ARFGEF3: variants seen among roughly 807,000 people sequenced by gnomAD.
The protein encoded by ARFGEF3 is brefeldin A-inhibited guanine nucleotide-exchange protein 3.
In ARFGEF3, 96 loss-of-function variants were observed where a neutral mutation model predicts 221.7. The ratio of observed to expected loss-of-function variants is 0.43; its 90% CI spans 0.37 to 0.51. ARFGEF3 has a LOEUF of 0.51. ARFGEF3 is among the 20% of genes least tolerant of loss of function. The pLI is 0.00. For synonymous variants in ARFGEF3, 1,145 were observed against 1,126.8 expected, an observed-to-expected ratio of 1.02 and a Z score of -0.32; for missense variants, 2,410 against 2,789.9, an observed-to-expected ratio of 0.86 and a Z score of 3.07.
intron 4 of ARFGEF3, among the ~76,000 whole-genome samples, chr6:138,214,152 C>T (rs1284451702): frequency 1.3e-5 from 2 of 152,148 alleles, no homozygotes; most frequent in Non-Finnish European, 2.9e-5. Context: ...GGTAAAGCCT[C>T]TTAAATAAGT....
intron 17 of ARFGEF3, among the ~76,000 whole-genome samples, chr6:138,288,549 C>T (rs372645519): frequency 2.0e-5 from 3 of 151,898 alleles, no homozygotes; most frequent in African/African-American, 4.8e-5. Flanking sequence ...ATTAGCTGGG[C>T]GTGGTGGTGG....
chr6:138,226,533 T>G (rs1778087446), intron 4 of ARFGEF3, among the ~76,000 whole-genome samples: 1 of 152,318 alleles, frequency 6.6e-6, no homozygotes, highest in East Asian at 1.9e-4. Context: ...TGCAAGCTGG[T>G]GTAGATTGCA....
In ARFGEF3 at chr6:138,322,857, G is replaced by T. The variant is rs115659064; in HGVS notation, c.4767-814G>T. 5.1e-3 allele frequency among the ~76,000 whole-genome samples: 771 copies of T among 151,730 alleles called. 8 individuals are homozygous for T. Among genetic ancestry groups the T allele is most frequent in the African/African-American group, 0.018 (745 of 41,360 alleles). ...TACAACAACATAGAGGGAACTGGAG[G>T]TTATTATGCTAAGTGAAATAAGCCA... On this transcript the variant is annotated intron_variant, in intron 29 of 33. Coordinates refer to ENST00000251691, the MANE Select transcript of ARFGEF3 (RefSeq NM_020340.5).
At chr6:138,163,263 C>G (rs547155812) in intron 1 of ARFGEF3, among the ~76,000 whole-genome samples, 2 of 152,174 alleles carry the variant, frequency 1.3e-5, no homozygotes, top group Non-Finnish European at 2.9e-5. Context: ...TTTTTTAAAC[C>G]TGTGCCTATC....
rs779151763 is a variant in ARFGEF3, at chr6:138,336,462, C to G, written c.6510C>G (p.Gly2170=). 10 of 1,610,290 alleles carry G rather than the reference C, an allele frequency of 6.2e-6. No individual in the cohort carries two copies. The highest frequency in any genetic ancestry group is 7.6e-6 in the Non-Finnish European group (9 of 1,178,226). ...TGAGGGAGTGGCTGGGCAGGGTGGG[C>G]CGTGTCTATGACATCATTGTGTAGC... ...QAVREWLGRV[G]RVYDIIV Residue 2170 remains glycine, a synonymous_variant, in exon 34 of 34, where the codon GGC becomes GGG. Transcript: ENST00000251691.
Position 138,337,640 on chromosome 6 carries a change from T to A in ARFGEF3, c.*1154T>A, listed in dbSNP as rs1448710908. The A allele has an allele frequency of 6.6e-6, 1 of 152,236 alleles. No individual in the cohort carries two copies. The highest frequency in any genetic ancestry group is 2.4e-5 in the African/African-American group (1 of 41,450). The allele number at this position is 152,236 out of a possible 1,614,324, so 9.4% of individuals were successfully genotyped here. A position where few individuals can be genotyped will look rare whatever the true frequency, so the allele number is the denominator to read the frequency against. On this transcript the variant is annotated 3_prime_UTR_variant, in exon 34 of 34. Transcript: ENST00000251691. ...GAAAGACACTGAAATTTAGAAAATT[T>A]TGTCGATTTAAAATATTTCTCCTAT... is the stretch of plus-strand genomic sequence containing the variant.
chr6:138,222,359 G>A (rs148708163), intron 4 of ARFGEF3, among the ~76,000 whole-genome samples: 5 of 152,194 alleles, frequency 3.3e-5, no homozygotes, highest in Admixed American at 6.5e-5. Context: ...CCCGTGGGCC[G>A]CAGGGTTGGA....
intron 7 of ARFGEF3, among the ~76,000 whole-genome samples, 187 bp downstream of exon 7, chr6:138,243,181 C>T (rs1376534772): frequency 2.0e-5 from 3 of 152,140 alleles, no homozygotes; most frequent in Non-Finnish European, 4.4e-5. Context: ...TCTGTTCCTA[C>T]GTTCACTTAT....
intron 4 of ARFGEF3, chr6:138,217,733 A>T: frequency 2.3e-6 from 1 of 425,832 alleles, no homozygotes; most frequent in Non-Finnish European, 3.9e-6. Context: ...GGTAGTTTTT[A>T]ATGGCCCACT....
chr6:138,262,735 G>T lies in ARFGEF3; in HGVS notation c.1252G>T (p.Gly418Cys). ...MDGMTEACIK[G>C]GIEACYAAVS... is the part of the protein sequence containing the mutation. The stretch of plus-strand genomic sequence containing the variant: ...TGGCATGACCGAAGCATGCATCAAG[G>T]GTGGCATCGAAGCTTGCTATGCAGC... Residue 418 changes from glycine to cysteine, a missense_variant, in exon 12 of 34, where the codon GGT becomes TGT. This residue lies in a region of ARFGEF3 where 570 missense variants were observed against 586.9 expected (regional missense o/e 0.97). Coordinates refer to ENST00000251691, the MANE Select transcript of ARFGEF3 (RefSeq NM_020340.5). The T allele has an allele frequency of 6.2e-7, 1 of 1,609,854 alleles. No individual in the cohort carries two copies. The highest frequency in any genetic ancestry group is 8.5e-7 in the Non-Finnish European group (1 of 1,176,468).
intron 4 of ARFGEF3, 82 bp from the exon 5 acceptor site, chr6:138,229,702 T>C: frequency 9.5e-7 from 1 of 1,052,770 alleles, no homozygotes; most frequent in Non-Finnish European, 1.5e-6. Context: ...AAAACAGGAC[T>C]GCACAAATGG....
chr6:138,280,305 T>G (rs1779176019), intron 14 of ARFGEF3, 141 bp downstream of exon 14: 1 of 776,442 alleles, frequency 1.3e-6, no homozygotes, highest in Non-Finnish European at 2.1e-6. Context: ...TGGTGACAGT[T>G]CCAGGGAAGT....
At chr6:138,324,845 A>G (rs1294486636) in intron 31 of ARFGEF3, among the ~76,000 whole-genome samples, 1 of 152,254 alleles carries the variant, frequency 6.6e-6, no homozygotes, top group Non-Finnish European at 1.5e-5. Flanking sequence ...AGCTACAGAT[A>G]TACCCTAAGC....
chr6:138,201,547 T>C (rs1777536729), intron 2 of ARFGEF3, among the ~76,000 whole-genome samples: 1 of 152,206 alleles, frequency 6.6e-6, no homozygotes, highest in South Asian at 2.1e-4. Flanking sequence ...GAGACTATTA[T>C]TCTAAGTGAA....
At chr6:138,278,693 C>T in intron 13 of ARFGEF3, 76 bp downstream of exon 13, 3 of 1,502,190 alleles carry the variant, frequency 2.0e-6, no homozygotes, top group East Asian at 2.3e-5. Flanking sequence ...CCTCAGTGCC[C>T]TGAGTGGGAT....
intron 2 of ARFGEF3, among the ~76,000 whole-genome samples, chr6:138,187,381 T>G (rs1777209921): frequency 6.6e-6 from 1 of 152,174 alleles, no homozygotes; most frequent in Non-Finnish European, 1.5e-5. Flanking sequence ...ACAGACCCCA[T>G]TGTCCTTCAT....
intron 2 of ARFGEF3, among the ~76,000 whole-genome samples, chr6:138,205,794 G>A (rs900674691): frequency 1.3e-5 from 2 of 152,306 alleles, no homozygotes; most frequent in East Asian, 1.9e-4. Context: ...TGAGGGTTAG[G>A]AAGGCAAACA....
At chr6:138,199,443 T>G (rs1167279440) in intron 2 of ARFGEF3, among the ~76,000 whole-genome samples, 1 of 152,176 alleles carries the variant, frequency 6.6e-6, no homozygotes, top group Non-Finnish European at 1.5e-5. Flanking sequence ...AGCCTAACAT[T>G]CAGGAATGTA....
rs199961966 is a variant in ARFGEF3 at position 138,286,016 on chromosome 6, C to T, written c.2532C>T (p.Phe844=). Residue 844 remains phenylalanine (F), a synonymous_variant, in exon 15 of 34, where the codon TTC becomes TTT. Transcript: ENST00000251691. Reference sequence around the variant, plus strand: ...CCTCGGCTGCTACAGAGTCTCCTTTCGCCCAGAGCAGGAGAATTGATGACT... The same window carrying T: ...CCTCGGCTGCTACAGAGTCTCCTTTTGCCCAGAGCAGGAGAATTGATGACT... ...LMASAATESP[F]AQSRRIDDST... is the part of the protein sequence containing the mutation. The T allele has an allele frequency of 1.5e-4, 240 of 1,608,922 alleles. No homozygotes were observed. The highest frequency in any genetic ancestry group is 2.0e-4 in the Non-Finnish European group (232 of 1,179,330).
Sources: allele counts gnomAD v4.1 joint callset (sites outside exome capture counted in the v4.1 genomes callset), GRCh38; gene constraint gnomAD v4.1.1; regional missense constraint gnomAD v4.1.1; transcripts MANE v1.5; gene names NCBI Gene and HGNC (gene_info 2026-07-23, HGNC 2026-07-21).